The following PIK3AP1 variants were observed in gnomAD, a reference collection of about 807,000 sequenced individuals.
PIK3AP1 encodes phosphoinositide-3-kinase adaptor protein 1, also known as phosphoinositide 3-kinase adapter protein 1.
In PIK3AP1, 21 loss-of-function variants were observed where a neutral mutation model predicts 88.1. The ratio of observed to expected loss-of-function variants is 0.24; its 90% CI spans 0.17 to 0.34. The LOEUF (loss-of-function observed/expected upper bound fraction) is 0.34. PIK3AP1 is among the 10% of genes least tolerant of loss of function. The probability of loss-of-function intolerance (pLI) is 1.00; values close to 1 mark genes in which losing one functional copy is unlikely to be tolerated. For missense variants in PIK3AP1, 828 were observed against 1,035.7 expected (o/e 0.80, Z 2.75); for synonymous variants, 398 against 400.0 (o/e 1.00, Z 0.06).
chr10:96,628,889 C>CATATACTATAT, intron 8 of PIK3AP1, among the ~76,000 whole-genome samples: 1 of 60,842 alleles, frequency 1.6e-5, no homozygotes, highest in Non-Finnish European at 3.1e-5. Flanking sequence ...TATATATATA[C>CATATACTATAT]ATATATATAT....
At chr10:96,711,300 T>A (rs1358903504) in intron 1 of PIK3AP1, among the ~76,000 whole-genome samples, 1 of 152,188 alleles carries the variant, frequency 6.6e-6, no homozygotes, top group Non-Finnish European at 1.5e-5. Context: ...ATCTTACGAG[T>A]AGTAAGTCAT....
intron 2 of PIK3AP1, among the ~76,000 whole-genome samples, chr10:96,690,436 A>AT (rs57542203): frequency 0.46 from 69,354 of 151,396 alleles, 16,056 homozygotes; most frequent in Middle Eastern, 0.62. Context: ...CTAATTTTTT[A>AT]TTTTTTTTGT....
At chr10:96,717,124 G>C (rs1285654306) in intron 1 of PIK3AP1, among the ~76,000 whole-genome samples, 2 of 152,152 alleles carry the variant, frequency 1.3e-5, no homozygotes, top group South Asian at 2.1e-4. Context: ...TGAGTATGGT[G>C]GTGGGCACCT....
intron 1 of PIK3AP1, among the ~76,000 whole-genome samples, chr10:96,714,160 G>A (rs1179592947): frequency 1.3e-5 from 2 of 151,350 alleles, no homozygotes; most frequent in African/African-American, 4.9e-5. Flanking sequence ...GGTAATAACA[G>A]CGAAACTCCG....
Position 96,616,722 on chromosome 10 carries a change from A to C in PIK3AP1, c.1942-11T>G. The C allele has an allele frequency of 3.1e-6, 5 of 1,613,794 alleles. No homozygotes were observed. Among genetic ancestry groups the C allele is most frequent in the Non-Finnish European group, 4.2e-6 (5 of 1,179,738 alleles). ...CCGTTTAAGATTTTCCTGGAAAAAA[A>C]TTTGGTTTATTTTTTAAGTGTACAA... On this transcript the variant is annotated splice_polypyrimidine_tract_variant and intron_variant, in intron 12 of 16. Coordinates refer to ENST00000339364, the MANE Select transcript of PIK3AP1 (RefSeq NM_152309.3).
At chr10:96,675,467 G>A (rs561534002) in intron 2 of PIK3AP1, among the ~76,000 whole-genome samples, 10 of 152,152 alleles carry the variant, frequency 6.6e-5, no homozygotes, top group African/African-American at 2.2e-4. Flanking sequence ...CAGGAAGCAG[G>A]GCCTTGGTCG....
intron 1 of PIK3AP1, among the ~76,000 whole-genome samples, chr10:96,718,559 C>G (rs983794484): frequency 6.6e-6 from 1 of 152,178 alleles, no homozygotes; most frequent in Non-Finnish European, 1.5e-5. Context: ...CTAACCATTA[C>G]AAACACCTGC....
intron 11 of PIK3AP1, among the ~76,000 whole-genome samples, chr10:96,622,286 G>A (rs1366573719): frequency 1.3e-5 from 2 of 152,202 alleles, no homozygotes; most frequent in African/African-American, 2.4e-5. Context: ...GGAGAAATAT[G>A]AAGCCAACCC....
intron 2 of PIK3AP1, among the ~76,000 whole-genome samples, chr10:96,674,904 G>GT (rs575070086): frequency 4.6e-5 from 7 of 152,302 alleles, no homozygotes; most frequent in African/African-American, 1.7e-4. Flanking sequence ...GTTTTGTTTT[G>GT]TTTTTTGAGA....
chr10:96,698,489 A>AAAACT (rs763334280), intron 2 of PIK3AP1, among the ~76,000 whole-genome samples: 418 of 152,188 alleles, frequency 2.7e-3, no homozygotes, highest in Non-Finnish European at 4.3e-3. Flanking sequence ...CATCTCTACT[A>AAAACT]AAACTAAACT....
At chr10:96,603,438 G>A (rs552852390) in intron 15 of PIK3AP1, among the ~76,000 whole-genome samples, 6 of 152,166 alleles carry the variant, frequency 3.9e-5, no homozygotes, top group South Asian at 2.1e-4. Context: ...CTTAATCTGC[G>A]TGGGCACCAT....
chr10:96,696,231 T>A (rs912604390), intron 2 of PIK3AP1, among the ~76,000 whole-genome samples: 3 of 152,202 alleles, frequency 2.0e-5, no homozygotes, highest in African/African-American at 7.2e-5. Flanking sequence ...TTTCTAAACG[T>A]AAACAGTGAA....
intron 8 of PIK3AP1, among the ~76,000 whole-genome samples, chr10:96,635,363 T>G (rs1312910140): frequency 2.0e-5 from 3 of 151,930 alleles, no homozygotes; most frequent in Non-Finnish European, 4.4e-5. Flanking sequence ...TAGACATTAT[T>G]GAGTCTCTAG....
intron 12 of PIK3AP1, among the ~76,000 whole-genome samples, chr10:96,618,303 A>G (rs1298391002): frequency 6.6e-6 from 1 of 152,214 alleles, no homozygotes; most frequent in Non-Finnish European, 1.5e-5. Flanking sequence ...AAGTATAACA[A>G]CAACAACGAT....
intron 2 of PIK3AP1, among the ~76,000 whole-genome samples, chr10:96,691,055 C>A (rs1408655589): frequency 2.6e-5 from 4 of 152,122 alleles, no homozygotes; most frequent in Non-Finnish European, 4.4e-5. Flanking sequence ...CTCTGAGGAC[C>A]AACTGCACCC....
intron 2 of PIK3AP1, among the ~76,000 whole-genome samples, chr10:96,668,701 C>T (rs757724796): frequency 1.3e-5 from 2 of 151,878 alleles, no homozygotes; most frequent in African/African-American, 2.4e-5. Context: ...TCCAGTGTGG[C>T]TGATGAAAAA....
In PIK3AP1 at chr10:96,709,988, A is replaced by G. The variant is rs2134291677; in HGVS notation, c.14-5T>C. ...TGTCGCATCCTCTGGGCACCCCTGG[A>G]CAAGAATGAGGCACAGAAGCATGTT... On this transcript the variant is annotated splice_region_variant and splice_polypyrimidine_tract_variant and intron_variant, in intron 1 of 16. Coordinates refer to ENST00000339364, the MANE Select transcript of PIK3AP1 (RefSeq NM_152309.3). 6.4e-7 allele frequency: 1 copy of G among 1,573,320 alleles called. No homozygotes were observed.
intron 14 of PIK3AP1, among the ~76,000 whole-genome samples, chr10:96,606,534 T>A (rs1292250617): frequency 5.3e-5 from 8 of 152,234 alleles, no homozygotes; most frequent in African/African-American, 1.7e-4. Context: ...ACCTTGGCCC[T>A]GGCCCTCCTC....
In PIK3AP1 at chr10:96,709,809, C is replaced by T. The variant is rs753417617; in HGVS notation, c.188G>A (p.Ser63Asn). 6.2e-7 allele frequency: 1 copy of T among 1,613,698 alleles called. No individual in the cohort carries two copies. The highest frequency in any genetic ancestry group is 1.1e-5 in the South Asian group (1 of 91,046). The change falls in exon 2 of 17, where the codon AGC becomes AAC. Residue 63 changes from serine to asparagine, a missense_variant. This residue lies in a region of PIK3AP1 where 610 missense variants were observed against 760.1 expected (regional missense o/e 0.80). Transcript: ENST00000339364. ...FSAEDLSLFL[S>N]TRCVVVLLSA... is the part of the protein sequence containing the mutation. ...CAGCAGCACCACGACACAGCGGGTGCTGAGGAAAAGGCTTAGGTCCTCTGC... is the reference window on the plus strand; with the variant it reads ...CAGCAGCACCACGACACAGCGGGTGTTGAGGAAAAGGCTTAGGTCCTCTGC...
Sources: allele counts gnomAD v4.1 joint callset (sites outside exome capture counted in the v4.1 genomes callset), GRCh38; gene constraint gnomAD v4.1.1; regional missense constraint gnomAD v4.1.1; transcripts MANE v1.5; gene names NCBI Gene and HGNC (gene_info 2026-07-23, HGNC 2026-07-21).